CPA4: variants seen among roughly 807,000 people sequenced by gnomAD.
The protein encoded by CPA4 is carboxypeptidase A3.
A neutral mutation model predicts 54.7 loss-of-function variants in CPA4; 49 were observed. That is an observed-to-expected ratio of 0.90 (90% CI 0.71 to 1.14). CPA4 has a LOEUF of 1.14. Ranked by LOEUF, CPA4 falls within the 50% of genes most tolerant of loss-of-function variation. The pLI, the probability that CPA4 is intolerant of heterozygous loss-of-function variation, is 0.00. For synonymous variants in CPA4, 215 were observed against 206.8 expected (o/e 1.04, Z -0.34); for missense variants, 487 against 525.1 (o/e 0.93, Z 0.71).
At chr7:130,321,525 C>T (rs1388965327) in intron 10 of CPA4, among the ~76,000 whole-genome samples, 1 of 152,156 alleles carries the variant, frequency 6.6e-6, no homozygotes, top group East Asian at 1.9e-4. Flanking sequence ...CTCAGTCAAC[C>T]TAAGGCTTGT....
chr7:130,295,934 G>A (rs922483448), intron 1 of CPA4, among the ~76,000 whole-genome samples: 1 of 152,166 alleles, frequency 6.6e-6, no homozygotes, highest in Non-Finnish European at 1.5e-5. Flanking sequence ...AGCTGAGATC[G>A]TGCTATTGCA....
At chr7:130,309,239 A>C (rs1193717875) in intron 8 of CPA4, among the ~76,000 whole-genome samples, 1 of 152,244 alleles carries the variant, frequency 6.6e-6, no homozygotes, top group Admixed American at 6.5e-5. Flanking sequence ...AGAGCATCTT[A>C]CATTGAGATT....
chr7:130,305,968 C>T (rs1201760650), intron 6 of CPA4, 48 bp downstream of exon 6: 16 of 1,498,904 alleles, frequency 1.1e-5, no homozygotes, highest in Non-Finnish European at 1.5e-5. Flanking sequence ...GCCGGGGTGC[C>T]CCTGCAGCAT....
Position 130,322,818 on chromosome 7 carries a change from C to T in CPA4, c.*142C>T. 1.3e-6 allele frequency: 1 copy of T among 750,212 alleles called. No homozygotes were observed. The highest frequency in any genetic ancestry group is 2.0e-5 in the South Asian group (1 of 48,882). 46.5% of individuals were successfully genotyped at this position (750,212 alleles called of 1,614,324 possible). ...CACAGGCCTGCCCCTCTCCAGCCAG[C>T]TCCCTGGAGTCGTGTGTCCTGGCAG... On this transcript the variant is annotated 3_prime_UTR_variant, in exon 11 of 11. Coordinates refer to ENST00000222482, the MANE Select transcript of CPA4 (RefSeq NM_016352.4).
chr7:130,312,552 G>T (rs2012315), intron 10 of CPA4, among the ~76,000 whole-genome samples: 12 of 152,238 alleles, frequency 7.9e-5, no homozygotes, highest in South Asian at 4.2e-4. Flanking sequence ...TTGAATCATG[G>T]GGGCAGGTCT....
At chr7:130,300,701 C>A in intron 3 of CPA4, 115 bp from the exon 4 acceptor site, 2 of 673,142 alleles carry the variant, frequency 3.0e-6, no homozygotes, top group East Asian at 2.6e-5. Flanking sequence ...ATTTGTGCTG[C>A]TTGATATGCT....
At chr7:130,312,583 T>C (rs1286361656) in intron 10 of CPA4, among the ~76,000 whole-genome samples, 2 of 152,150 alleles carry the variant, frequency 1.3e-5, no homozygotes, top group African/African-American at 2.4e-5. Context: ...GTTCTCATGA[T>C]AGTGAGTAAA....
rs768792396 is a variant in CPA4, at chr7:130,322,723, G to A, written c.*47G>A. On this transcript the variant is annotated 3_prime_UTR_variant, in exon 11 of 11. Transcript: ENST00000222482. ...CATTTATTTGTACCCACACGTGCAC[G>A]CACTGAGGCCATTGTTAAAGGAGCT... 47 of 1,548,750 alleles carry A rather than the reference G, an allele frequency of 3.0e-5. No homozygotes were observed. Among genetic ancestry groups the A allele is most frequent in the Admixed American group, 3.7e-5 (2 of 54,414 alleles).
chr7:130,312,437 C>A (rs556398564), intron 10 of CPA4, among the ~76,000 whole-genome samples: 1 of 152,114 alleles, frequency 6.6e-6, no homozygotes, highest in African/African-American at 2.4e-5. Flanking sequence ...AAACATTGAG[C>A]CTGGACAACA....
intron 7 of CPA4, among the ~76,000 whole-genome samples, chr7:130,307,652 G>A (rs1472784434): frequency 6.7e-6 from 1 of 148,888 alleles, no homozygotes; most frequent in East Asian, 2.0e-4. Flanking sequence ...AAAAAAAAGT[G>A]TTTTTAAGAG....
In CPA4 at chr7:130,312,061, C is replaced by T. The variant is rs148547868; in HGVS notation, c.1017C>T (p.Ala339=). 14 of 1,614,164 alleles carry T rather than the reference C, an allele frequency of 8.7e-6. No homozygotes were observed. In the African/African-American group the frequency reaches 1.9e-4, roughly 22 times the overall value. ...AGGACAAGGTGGCGAGGCTTGCGGC[C>T]AAAGCTCTGGCTTCTGTGTCGGGCA... ...EELDKVARLA[A]KALASVSGTE... The change falls in exon 10 of 11, where the codon GCC becomes GCT. Residue 339 remains alanine (A), a synonymous_variant. Coordinates refer to ENST00000222482, the MANE Select transcript of CPA4 (RefSeq NM_016352.4).
intron 10 of CPA4, 94 bp from the exon 11 acceptor site, chr7:130,322,395 T>C (rs1202411228): frequency 1.9e-6 from 2 of 1,044,834 alleles, no homozygotes; most frequent in African/African-American, 3.2e-5. Flanking sequence ...TCTGGATTCC[T>C]TAAGGAACCC....
chr7:130,299,453 G>C, intron 3 of CPA4, 49 bp downstream of exon 3: 3 of 1,586,808 alleles, frequency 1.9e-6, no homozygotes, highest in Non-Finnish European at 2.6e-6. Context: ...GGACCAGGCA[G>C]CCAGTCCAGA....
intron 5 of CPA4, among the ~76,000 whole-genome samples, chr7:130,304,875 C>T (rs1323733961): frequency 6.6e-6 from 1 of 152,168 alleles, no homozygotes; most frequent in Non-Finnish European, 1.5e-5. Context: ...TTCATTCTCA[C>T]CTCTGTAAAT....
At position 130,299,402 on chromosome 7, in the gene CPA4, C is replaced by T. The variant is rs1341282367; in HGVS notation, c.283C>T (p.Gln95Ter). The change falls in exon 3 of 11, where the codon CAG becomes TAG. Residue 95 changes from glutamine (Q) to a stop codon, truncating the protein, a stop_gained and splice_region_variant. Transcript: ENST00000222482. LOFTEE classifies it high-confidence loss of function. ...LEYAVTIEDL[Q>*]ALLDNEDDEM... Reference sequence around the variant, plus strand: ...GTACGCAGTGACAATTGAGGACCTGCAGGTAGGTAGACTATGCCTCCTGCC... The same window carrying T: ...GTACGCAGTGACAATTGAGGACCTGTAGGTAGGTAGACTATGCCTCCTGCC... 1.2e-6 allele frequency: 2 copies of T among 1,614,000 alleles called. No individual in the cohort carries two copies. Among genetic ancestry groups the T allele is most frequent in the South Asian group, 2.2e-5 (2 of 91,068 alleles).
chr7:130,322,829 C>G lies in CPA4; in HGVS notation c.*153C>G. 1.4e-6 allele frequency: 1 copy of G among 696,294 alleles called. No homozygotes were observed. The highest frequency in any genetic ancestry group is 2.3e-6 in the Non-Finnish European group (1 of 435,238). 43.1% of individuals were successfully genotyped at this position (696,294 alleles called of 1,614,324 possible). Reference sequence around the variant, plus strand: ...CCCTCTCCAGCCAGCTCCCTGGAGTCGTGTGTCCTGGCAGTGTCCCTGCAA... The same window carrying G: ...CCCTCTCCAGCCAGCTCCCTGGAGTGGTGTGTCCTGGCAGTGTCCCTGCAA... On this transcript the variant is annotated 3_prime_UTR_variant, in exon 11 of 11. Transcript: ENST00000222482.
rs541561216 is a variant in CPA4, at chr7:130,298,915, T to C, written c.150+88T>C. ...CTACTGGCATTATTATTTTTATTTCTGAGGAGTCTCTGAATATAATCCTGT... is the reference window on the plus strand; with the variant it reads ...CTACTGGCATTATTATTTTTATTTCCGAGGAGTCTCTGAATATAATCCTGT... On this transcript the variant is annotated intron_variant, in intron 2 of 10. Coordinates refer to ENST00000222482, the MANE Select transcript of CPA4 (RefSeq NM_016352.4). 2.8e-5 allele frequency: 23 copies of C among 808,942 alleles called. No homozygotes were observed. In the Admixed American group the frequency reaches 5.1e-4, roughly 18 times the overall value. 50.1% of individuals were successfully genotyped at this position (808,942 alleles called of 1,614,324 possible). A position where few individuals can be genotyped will look rare whatever the true frequency, so the allele number is the denominator to read the frequency against.
chr7:130,323,157 A>G lies in CPA4; in HGVS notation c.*481A>G, dbSNP rs1329201218. ...TAATTTCTCGCAGTCTTCCTGGAAA[A>G]TATTTTCCTTTGAGCAGCAAATCTT... On this transcript the variant is annotated 3_prime_UTR_variant, in exon 11 of 11. Coordinates refer to ENST00000222482, the MANE Select transcript of CPA4 (RefSeq NM_016352.4). 6.5e-6 allele frequency: 1 copy of G among 152,852 alleles called. No individual in the cohort carries two copies. The highest frequency in any genetic ancestry group is 1.5e-5 in the Non-Finnish European group (1 of 68,734). 9.5% of individuals were successfully genotyped at this position (152,852 alleles called of 1,614,324 possible).
intron 10 of CPA4, among the ~76,000 whole-genome samples, chr7:130,318,167 A>T (rs1794019731): frequency 6.6e-6 from 1 of 152,176 alleles, no homozygotes; most frequent in African/African-American, 2.4e-5. Context: ...AAGACAGTTA[A>T]AAGAGACTTG....
Sources: gnomAD v4.1 joint callset for allele counts (sites outside exome capture counted in the v4.1 genomes callset) on GRCh38, gnomAD v4.1.1 for gene constraint, MANE v1.5 for transcripts, NCBI Gene and HGNC (gene_info 2026-07-23, HGNC 2026-07-21) for gene names.